ZNF28: variants seen among roughly 807,000 people sequenced by gnomAD.
ZNF28 encodes zinc finger protein KOX24.
ZNF28 carries 5 observed loss-of-function variants against 7.2 expected under a neutral mutation model. That is an observed-to-expected ratio of 0.70 (90% CI 0.36 to 1.46). The LOEUF (loss-of-function observed/expected upper bound fraction) is 1.46. ZNF28 is among the 40% of genes most tolerant of loss of function. The pLI is 0.03. For missense variants in ZNF28, 879 were observed against 866.6 expected (o/e 1.01, Z -0.18); for synonymous variants, 288 against 292.4 (o/e 0.99, Z 0.15).
rs761938059 is a variant in ZNF28, at chr19:52,808,017, C to A, written c.132G>T (p.Leu44=). ...GGAGGTTATCCTCACCCAGGGAGAC[C>A]AGGTTCCTATAATTCTCCAGCATCA... is the stretch of plus-strand genomic sequence containing the variant. The part of the protein sequence containing the change: ...RDVMLENYRN[L]VSLDISSKCM... The change falls in exon 3 of 4, where the codon CTG becomes CTT. Residue 44 remains leucine, a synonymous_variant. Transcript: ENST00000457749. 6.2e-7 allele frequency: 1 copy of A among 1,613,390 alleles called. No individual in the cohort carries two copies. The highest frequency in any genetic ancestry group is 2.2e-5 in the East Asian group (1 of 44,852).
intron 2 of ZNF28, chr19:52,810,136 G>T (rs184002488): frequency 1.1e-6 from 1 of 881,740 alleles, no homozygotes; most frequent in South Asian, 1.3e-5. Context: ...CTGGTCGAGG[G>T]TGACCCGGGG....
chr19:52,818,603 A>G (rs983836808), intron 1 of ZNF28, among the ~76,000 whole-genome samples: 2 of 152,164 alleles, frequency 1.3e-5, no homozygotes, highest in African/African-American at 4.8e-5. Context: ...CCAGCTACTC[A>G]GGAGGCTGAG....
Position 52,800,483 on chromosome 19 carries a change from A to G in ZNF28, c.1362T>C (p.Leu454=). The G allele has an allele frequency of 1.2e-6, 2 of 1,613,604 alleles. No homozygotes were observed. Among genetic ancestry groups the G allele is most frequent in the Non-Finnish European group, 1.7e-6 (2 of 1,179,846 alleles). The change falls in exon 4 of 4, where the codon CTT becomes CTC. Residue 454 remains leucine, a synonymous_variant. Coordinates refer to ENST00000457749, the MANE Select transcript of ZNF28 (RefSeq NM_006969.5). ...CGKVFNQQST[L]ARHHRLHTAE... Reference sequence around the variant, plus strand: ...CAGTATGAAGTCTATGATGGCGTGCAAGAGTTGATTGTTGATTAAAAACCT... The same window carrying G: ...CAGTATGAAGTCTATGATGGCGTGCGAGAGTTGATTGTTGATTAAAAACCT...
At position 52,814,027 on chromosome 19, in the gene ZNF28, A is replaced by G. The variant is rs1354344779; in HGVS notation, c.15+3917T>C. 2.7e-5 allele frequency among the ~76,000 whole-genome samples: 4 copies of G among 146,452 alleles called. 1 individual carries two copies. Among genetic ancestry groups the G allele is most frequent in the African/African-American group, 5.3e-5 (2 of 37,592 alleles). ...GAAAATAAAAATTGTTTGGACTTTT[A>G]CAAAAAAGAAAAAACTTTTTTAAGT... On this transcript the variant is annotated intron_variant, in intron 2 of 3. Coordinates refer to ENST00000457749, the MANE Select transcript of ZNF28 (RefSeq NM_006969.5).
Position 52,800,289 on chromosome 19 carries a change from C to A in ZNF28, c.1556G>T (p.Gly519Val). The A allele has an allele frequency of 6.2e-7, 1 of 1,607,354 alleles. No individual in the cohort carries two copies. Among genetic ancestry groups the A allele is most frequent in the Admixed American group, 1.7e-5 (1 of 59,660 alleles). The stretch of plus-strand genomic sequence containing the variant: ...TTCATTACACATGTATGGTTTCTCT[C>A]CAGTATGAACTCTCTGATGTTCTGT... ...CLTEHQRVHT[G>V]EKPYMCNECG... The change falls in exon 4 of 4, where the codon GGA becomes GTA. Residue 519 changes from glycine (G) to valine (V), a missense_variant. This residue lies in a region of ZNF28 where 864 missense variants were observed against 830.2 expected (regional missense o/e 1.04). Coordinates refer to ENST00000457749, the MANE Select transcript of ZNF28 (RefSeq NM_006969.5).
chr19:52,818,962 C>T (rs1466169373), intron 1 of ZNF28, among the ~76,000 whole-genome samples: 3 of 136,908 alleles, frequency 2.2e-5, no homozygotes. Flanking sequence ...GTGATAGACA[C>T]TGATGGGCAG....
At position 52,800,406 on chromosome 19, in the gene ZNF28, G is replaced by T; in HGVS notation, c.1439C>A (p.Ser480Ter). 3 of 1,614,050 alleles carry T rather than the reference G, an allele frequency of 1.9e-6. No homozygotes were observed. The highest frequency in any genetic ancestry group is 2.5e-6 in the Non-Finnish European group (3 of 1,180,004). The stretch of plus-strand genomic sequence containing the variant: ...AATCCTCCTATGTCTTTCAAGGTGT[G>T]ATTTGCACCTGAAAACTTTGTCACA... Reference protein sequence around the residue: ...EECDKVFRCKSHLERHRRIHT... With the variant: ...EECDKVFRCK Residue 480 changes from serine (S) to a stop codon, truncating the protein, a stop_gained, in exon 4 of 4, where the codon TCA becomes TAA. Coordinates refer to ENST00000457749, the MANE Select transcript of ZNF28 (RefSeq NM_006969.5). LOFTEE classifies it low-confidence loss of function (END_TRUNC).
chr19:52,806,605 T>A (rs1235931179), intron 3 of ZNF28, among the ~76,000 whole-genome samples: 4 of 131,808 alleles, frequency 3.0e-5, no homozygotes, highest in Non-Finnish European at 4.6e-5. Context: ...CAAAACTATT[T>A]AAAATAATAA....
chr19:52,802,856 G>A (rs2062890751), intron 3 of ZNF28, among the ~76,000 whole-genome samples: 1 of 149,856 alleles, frequency 6.7e-6, no homozygotes, highest in Admixed American at 6.7e-5. Context: ...CACCTCCCGG[G>A]TTCACGCCAT....
At chr19:52,818,478 C>T (rs909398937) in intron 1 of ZNF28, among the ~76,000 whole-genome samples, 12 of 151,920 alleles carry the variant, frequency 7.9e-5, no homozygotes, top group Admixed American at 1.3e-4. Context: ...TCTGAAAGGC[C>T]GAGGTGGGTG....
intron 2 of ZNF28, among the ~76,000 whole-genome samples, chr19:52,809,479 G>A (rs1378747775): frequency 6.6e-6 from 1 of 152,202 alleles, no homozygotes; most frequent in Non-Finnish European, 1.5e-5. Flanking sequence ...TCTACTTGAG[G>A]GTGGAGGGTG....
chr19:52,817,683 G>A (rs12459194), intron 2 of ZNF28, among the ~76,000 whole-genome samples: 89,097 of 151,800 alleles, frequency 0.59, 27,362 homozygotes, highest in Non-Finnish European at 0.7. Context: ...CTGACACCAC[G>A]GGACCCTCAC....
At chr19:52,821,188 A>G (rs1204323137) in intron 1 of ZNF28, among the ~76,000 whole-genome samples, 7 of 151,908 alleles carry the variant, frequency 4.6e-5, no homozygotes, top group Non-Finnish European at 1.0e-4. Flanking sequence ...CCAGGACCAC[A>G]GAACGCAGCC....
Position 52,800,850 on chromosome 19 carries a change from C to A in ZNF28, c.995G>T (p.Cys332Phe). 6.2e-7 allele frequency: 1 copy of A among 1,614,004 alleles called. No homozygotes were observed. The highest frequency in any genetic ancestry group is 8.5e-7 in the Non-Finnish European group (1 of 1,179,948). ...TGAATTACATGTGAAAGCTTTGTCA[C>A]AAACCTTACATTTGTATGGTTTCCC... ...TGGKPYKCKV[C>F]DKAFTCNSYL... The change falls in exon 4 of 4, where the codon TGT becomes TTT. Residue 332 changes from cysteine (C) to phenylalanine (F), a missense_variant. Physicochemically the swap from Cys to Phe is radical, Grantham distance 205. This residue lies in a region of ZNF28 where 864 missense variants were observed against 830.2 expected (regional missense o/e 1.04). Coordinates refer to ENST00000457749, the MANE Select transcript of ZNF28 (RefSeq NM_006969.5).
chr19:52,799,611 T>G lies in ZNF28; in HGVS notation c.*77A>C, dbSNP rs1306897371. The G allele has an allele frequency of 3.9e-6, 5 of 1,270,482 alleles. No homozygotes were observed. The Admixed American group carries it at 6.2e-5, about 16-fold the overall frequency. The allele number at this position is 1,270,482 out of a possible 1,614,324, so 78.7% of individuals were successfully genotyped here. ...GCCACACTCATTACACTTTTAAGGT[T>G]TCTCTCCACTATGAAGTCTATGATG... On this transcript the variant is annotated 3_prime_UTR_variant, in exon 4 of 4. Coordinates refer to ENST00000457749, the MANE Select transcript of ZNF28 (RefSeq NM_006969.5).
chr19:52,810,008 G>A, intron 2 of ZNF28: 1 of 756,424 alleles, frequency 1.3e-6, no homozygotes. Context: ...AGGAGCTGCT[G>A]TTGGAGCCGG....
At position 52,807,825 on chromosome 19, in the gene ZNF28, C is replaced by G. The variant is rs2147638380; in HGVS notation, c.142+182G>C. ...ACTTCTGGAAGCTCCACTGAGCTAT[C>G]ATGAAGAATGCAGAACCTCTAAACA... On this transcript the variant is annotated intron_variant, in intron 3 of 3. Coordinates refer to ENST00000457749, the MANE Select transcript of ZNF28 (RefSeq NM_006969.5). The G allele has an allele frequency of 3.8e-6, 4 of 1,058,238 alleles. No homozygotes were observed. In the East Asian group the frequency reaches 1.0e-4, roughly 27 times the overall value. The allele number at this position is 1,058,238 out of a possible 1,614,324, so 65.6% of individuals were successfully genotyped here.
chr19:52,813,249 G>GAAAAAAAAAAAAAAAAAA (rs71183837), intron 2 of ZNF28, among the ~76,000 whole-genome samples: 13 of 62,988 alleles, frequency 2.1e-4, no homozygotes, highest in African/African-American at 4.9e-4. Context: ...CTTGAATGGT[G>GAAAAAAAAAAAAAAAAAA]AAAAAAAAAA....
chr19:52,809,988 C>T (rs2147648924), intron 2 of ZNF28: 1 of 777,382 alleles, frequency 1.3e-6, no homozygotes, highest in East Asian at 2.7e-5. Context: ...GTCTGAGGAA[C>T]TGGAGCCTGA....
Sources: allele counts gnomAD v4.1 joint callset (sites outside exome capture counted in the v4.1 genomes callset), GRCh38; gene constraint gnomAD v4.1.1; regional missense constraint gnomAD v4.1.1; transcripts MANE v1.5; gene names NCBI Gene and HGNC (gene_info 2026-07-23, HGNC 2026-07-21).